The following FRMPD4 variants were observed in gnomAD, a reference collection of about 807,000 sequenced individuals.
The protein encoded by FRMPD4 is FERM and PDZ domain-containing protein 4.
FRMPD4 carries 22 observed loss-of-function variants against 94.1 expected under a neutral mutation model. The observed-to-expected ratio is 0.23, with a 90% CI of 0.17 to 0.33. The LOEUF (loss-of-function observed/expected upper bound fraction) is 0.33. FRMPD4 is among the 10% of genes least tolerant of loss of function. The pLI is 1.00. For missense variants in FRMPD4, 1,111 were observed against 1,339.9 expected (o/e 0.83, Z 2.67); for synonymous variants, 631 against 548.6 (o/e 1.15, Z -2.10).
chrX:12,701,063 GCTT>G (rs1289299431), intron 9 of FRMPD4, among the ~76,000 whole-genome samples: 12 of 99,303 alleles, frequency 1.2e-4, no homozygotes, highest in Non-Finnish European at 1.8e-4. Context: ...TTTTGTTTTG[GCTT>G]CTTTTTTTTT....
chrX:12,230,907 C>T (rs1235601383), intron 1 of FRMPD4, among the ~76,000 whole-genome samples: 1 of 80,583 alleles, frequency 1.2e-5, no homozygotes, highest in Non-Finnish European at 2.3e-5. Flanking sequence ...ACTATATATA[C>T]TATATATATT....
chrX:12,234,532 A>G (rs5935274), intron 1 of FRMPD4, among the ~76,000 whole-genome samples: 51,666 of 109,914 alleles, frequency 0.47, 8,745 homozygotes, highest in Non-Finnish European at 0.52. Flanking sequence ...GTGCACTAAT[A>G]CCACATAAAG....
At chrX:11,877,687 C>T (rs748848150) in intron 2 of FRMPD4, among the ~76,000 whole-genome samples, 2 of 112,200 alleles carry the variant, frequency 1.8e-5, no homozygotes, top group South Asian at 7.5e-4. Flanking sequence ...GGCAGAGCCA[C>T]TCCTCTTTTG....
intron 3 of FRMPD4, among the ~76,000 whole-genome samples, chrX:11,891,790 C>G (rs981411065): frequency 2.7e-5 from 3 of 111,927 alleles, no homozygotes; most frequent in Admixed American, 1.9e-4. Context: ...TTACATAGTC[C>G]AGTAACTGGC....
At chrX:12,580,732 C>T (rs1432398493) in intron 2 of FRMPD4, among the ~76,000 whole-genome samples, 1 of 111,419 alleles carries the variant, frequency 9.0e-6, no homozygotes, top group Non-Finnish European at 1.9e-5. Flanking sequence ...TCACCTGCCT[C>T]TGATGCTCCT....
Position 12,718,135 on chromosome X carries a change from A to T in FRMPD4, c.3309A>T (p.Glu1103Asp). Residue 1103 changes from glutamate to aspartate, a missense_variant, in exon 16 of 17, where the codon GAA (glutamate) becomes GAT (aspartate). Coordinates refer to ENST00000675598, the MANE Select transcript of FRMPD4 (RefSeq NM_001368397.1). ...WYVATEGGMAEKSGLEAATGK... is the reference protein window; with the variant it reads ...WYVATEGGMADKSGLEAATGK... ...TGGCCACTGAAGGTGGGATGGCTGA[A>T]AAAAGTGGATTAGAAGCAGCAACAG... 2 of 1,211,891 alleles carry T rather than the reference A, an allele frequency of 1.7e-6. No homozygotes were observed.
intron 3 of FRMPD4, among the ~76,000 whole-genome samples, chrX:12,611,210 T>C (rs2059180093): frequency 8.9e-6 from 1 of 111,758 alleles, no homozygotes; most frequent in African/African-American, 3.2e-5. Context: ...TATATGTATT[T>C]ATATGCTTAC....
intron 3 of FRMPD4, among the ~76,000 whole-genome samples, chrX:12,068,443 T>G (rs898611084): frequency 1.8e-5 from 2 of 112,044 alleles, no homozygotes; most frequent in East Asian, 5.6e-4. Flanking sequence ...TTAAAAATAT[T>G]TACTCTTCAG....
At chrX:12,259,177 T>C (rs1380050352) in intron 1 of FRMPD4, among the ~76,000 whole-genome samples, 2 of 111,900 alleles carry the variant, frequency 1.8e-5, no homozygotes, top group Admixed American at 9.5e-5. Flanking sequence ...ACTCTTTCCA[T>C]CTTGGAGTCC....
At chrX:11,944,636 C>T (rs188201795) in intron 3 of FRMPD4, among the ~76,000 whole-genome samples, 4 of 111,562 alleles carry the variant, frequency 3.6e-5, no homozygotes, top group African/African-American at 1.3e-4. Context: ...TGCTGATAAT[C>T]GGGAGGCTGC....
At chrX:12,088,588 A>G (rs887682279) in intron 3 of FRMPD4, among the ~76,000 whole-genome samples, 3 of 111,976 alleles carry the variant, frequency 2.7e-5, no homozygotes, top group Non-Finnish European at 5.6e-5. Flanking sequence ...CAGTGTGTTT[A>G]CCAAAAGACT....
intron 3 of FRMPD4, among the ~76,000 whole-genome samples, chrX:12,046,634 G>T (rs965470967): frequency 1.8e-5 from 2 of 111,728 alleles, no homozygotes; most frequent in Non-Finnish European, 1.9e-5. Context: ...CATACTTACA[G>T]GTTTGTTATG....
chrX:12,172,451 A>G (rs1179394696), intron 1 of FRMPD4, among the ~76,000 whole-genome samples: 1 of 111,481 alleles, frequency 9.0e-6, no homozygotes, highest in Non-Finnish European at 1.9e-5. Context: ...GCTCTCTTGT[A>G]AACTGCTTAA....
intron 1 of FRMPD4, among the ~76,000 whole-genome samples, chrX:11,828,578 C>T (rs936224221): frequency 2.7e-5 from 3 of 111,787 alleles, no homozygotes; most frequent in Admixed American, 1.9e-4. Context: ...AGGGGGTGGG[C>T]CTGTCAAACT....
intron 2 of FRMPD4, among the ~76,000 whole-genome samples, chrX:12,595,703 G>T (rs1305381304): frequency 2.7e-5 from 3 of 111,712 alleles, no homozygotes; most frequent in Non-Finnish European, 5.6e-5. Flanking sequence ...TATTTTGAAG[G>T]GTCCATAAAA....
chrX:12,173,745 C>T (rs1349602829), intron 1 of FRMPD4, among the ~76,000 whole-genome samples: 1 of 111,066 alleles, frequency 9.0e-6, no homozygotes, highest in Non-Finnish European at 1.9e-5. Context: ...TGCTCATGGC[C>T]CAAGGTGGCT....
chrX:12,522,761 C>T (rs983338803), intron 2 of FRMPD4, among the ~76,000 whole-genome samples: 1 of 109,864 alleles, frequency 9.1e-6, no homozygotes, highest in Non-Finnish European at 1.9e-5. Context: ...CACCACCATG[C>T]CTGGCTAATT....
At chrX:12,255,739 G>C (rs2054105022) in intron 1 of FRMPD4, among the ~76,000 whole-genome samples, 1 of 111,993 alleles carries the variant, frequency 8.9e-6, no homozygotes, top group Non-Finnish European at 1.9e-5. Context: ...TCCAATGTCT[G>C]TTCATCAAGG....
At chrX:12,205,459 G>A (rs533647234) in intron 1 of FRMPD4, among the ~76,000 whole-genome samples, 1 of 112,051 alleles carries the variant, frequency 8.9e-6, no homozygotes, top group South Asian at 3.8e-4. Context: ...TTTATCTGAA[G>A]AAATTGCTAA....
Sources: allele counts gnomAD v4.1 joint callset (sites outside exome capture counted in the v4.1 genomes callset), GRCh38; gene constraint gnomAD v4.1.1; transcripts MANE v1.5; gene names NCBI Gene and HGNC (gene_info 2026-07-23, HGNC 2026-07-21).